Variants in OR3A2 observed in about 807,000 individuals in gnomAD.
The protein encoded by OR3A2 is olfactory receptor family 3 subfamily A member 2.
For synonymous variants in OR3A2, 126 were observed against 159.3 expected (o/e 0.79, Z 1.57); for missense variants, 318 against 392.8 (o/e 0.81, Z 1.61).
chr17:3,323,268 G>A (rs985590801), intron 3 of OR3A2, among the ~76,000 whole-genome samples: 9 of 152,076 alleles, frequency 5.9e-5, no homozygotes, highest in South Asian at 2.1e-4. Context: ...GTCTCTGCAC[G>A]TGAGATGGGT....
chr17:3,280,352 A>AG, intron 1 of OR3A2, among the ~76,000 whole-genome samples: 1 of 151,586 alleles, frequency 6.6e-6, no homozygotes, highest in African/African-American at 2.4e-5. Context: ...GCTCACTGCA[A>AG]GCTCCGCCTC....
At chr17:3,315,800 T>G (rs1211222367) in intron 3 of OR3A2, among the ~76,000 whole-genome samples, 1 of 147,372 alleles carries the variant, frequency 6.8e-6, no homozygotes, top group Non-Finnish European at 1.5e-5. Context: ...TCTACTATAG[T>G]GTTTTCTCTC....
intron 2 of OR3A2, among the ~76,000 whole-genome samples, chr17:3,375,244 TTCC>T (rs1299115825): frequency 5.3e-5 from 4 of 76,188 alleles, no homozygotes; most frequent in East Asian, 3.2e-4. Flanking sequence ...TTTTTTTTTT[TTCC>T]CCCCCTTTTT....
At chr17:3,332,591 C>A (rs1652736424) in intron 3 of OR3A2, among the ~76,000 whole-genome samples, 2 of 152,200 alleles carry the variant, frequency 1.3e-5, no homozygotes, top group South Asian at 4.1e-4. Context: ...CTGACCTGCG[C>A]CCACTGTCTG....
rs575005899 is a variant in OR3A2 at position 3,349,309 on chromosome 17, T to C, written c.-178-13183A>G. 1.3e-5 allele frequency among the ~76,000 whole-genome samples: 2 copies of C among 151,928 alleles called. 1 individual carries two copies. Among genetic ancestry groups the C allele is most frequent in the South Asian group, 4.2e-4 (2 of 4,808 alleles). ...CCCATCTCACGGGCAGAGACACACATAGACTCAAAATAAAAGGATGGAGGA... is the reference window on the plus strand; with the variant it reads ...CCCATCTCACGGGCAGAGACACACACAGACTCAAAATAAAAGGATGGAGGA... On this transcript the variant is annotated intron_variant, in intron 2 of 4. Coordinates refer to the OR3A2 transcript ENST00000573491.
chr17:3,325,599 T>C (rs950929291), intron 3 of OR3A2, among the ~76,000 whole-genome samples: 1 of 152,056 alleles, frequency 6.6e-6, no homozygotes, highest in African/African-American at 2.4e-5. Context: ...CTGAACTTTA[T>C]ATTCTGTTAC....
At chr17:3,328,966 A>G (rs1669825503) in intron 3 of OR3A2, among the ~76,000 whole-genome samples, 1 of 151,458 alleles carries the variant, frequency 6.6e-6, no homozygotes, top group Admixed American at 6.6e-5. Context: ...CTATTGAGAT[A>G]ATCATGTGGT....
At chr17:3,326,611 G>A (rs991164753) in intron 3 of OR3A2, among the ~76,000 whole-genome samples, 1 of 148,468 alleles carries the variant, frequency 6.7e-6, no homozygotes, top group Non-Finnish European at 1.5e-5. Flanking sequence ...GTGCAGGTCA[G>A]TTACATATGT....
chr17:3,354,696 C>A (rs1023268981), intron 2 of OR3A2, among the ~76,000 whole-genome samples: 1 of 151,092 alleles, frequency 6.6e-6, no homozygotes, highest in Admixed American at 6.6e-5. Flanking sequence ...TTTATCTTTT[C>A]ACAAAACCAA....
chr17:3,355,212 C>A lies in OR3A2; in HGVS notation c.-178-19086G>T, dbSNP rs1467803260. 4.0e-5 allele frequency among the ~76,000 whole-genome samples: 6 copies of A among 151,238 alleles called. 1 individual carries two copies. Among genetic ancestry groups the A allele is most frequent in the Admixed American group, 4.0e-4 (6 of 15,170 alleles). On this transcript the variant is annotated intron_variant, in intron 2 of 4. Coordinates refer to the OR3A2 transcript ENST00000573491. ...AATGTTTTATCATTTGTTTTGTGAC[C>A]TAATATATGGACTATCATTGAGAAT...
intron 3 of OR3A2, among the ~76,000 whole-genome samples, chr17:3,334,910 G>T (rs1460539548): frequency 6.6e-6 from 1 of 152,092 alleles, no homozygotes. Flanking sequence ...ATATTTTAGG[G>T]TTCTTATACA....
At chr17:3,304,964 T>C (rs2150628045) in intron 3 of OR3A2, among the ~76,000 whole-genome samples, 1 of 152,348 alleles carries the variant, frequency 6.6e-6, no homozygotes, top group South Asian at 2.1e-4. Flanking sequence ...TTAATCTATG[T>C]TGAAAAAATC....
chr17:3,357,632 G>A (rs1001597131), intron 2 of OR3A2, among the ~76,000 whole-genome samples: 4 of 151,634 alleles, frequency 2.6e-5, no homozygotes, highest in African/African-American at 9.8e-5. Flanking sequence ...TCCAGAGATA[G>A]ATGCTGGTGA....
chr17:3,349,067 C>CAG (rs1350697133), intron 2 of OR3A2, among the ~76,000 whole-genome samples: 2,358 of 152,178 alleles, frequency 0.015, 60 homozygotes, highest in African/African-American at 0.054. Context: ...GTACCAGCTG[C>CAG]TGCAAAATCA....
chr17:3,343,070 G>A (rs141338210), intron 2 of OR3A2, among the ~76,000 whole-genome samples: 22 of 152,322 alleles, frequency 1.4e-4, no homozygotes, highest in African/African-American at 5.1e-4. Context: ...AGCCAGGCAC[G>A]GGATATAATC....
At chr17:3,313,803 C>A (rs1020737269) in intron 3 of OR3A2, among the ~76,000 whole-genome samples, 4 of 152,170 alleles carry the variant, frequency 2.6e-5, no homozygotes, top group Non-Finnish European at 5.9e-5. Flanking sequence ...GGACGGGATC[C>A]ATGTCTTATA....
chr17:3,310,400 CTT>C (rs749746919), intron 3 of OR3A2: 1 of 535,198 alleles, frequency 1.9e-6, no homozygotes, highest in Non-Finnish European at 3.8e-6. Flanking sequence ...AGCCCATCCT[CTT>C]TGTCATCTTC....
intron 2 of OR3A2, among the ~76,000 whole-genome samples, chr17:3,362,265 C>T (rs2049524738): frequency 6.6e-6 from 1 of 151,398 alleles, no homozygotes. Flanking sequence ...TGGTGATATC[C>T]CCTTTAGCAT....
Position 3,366,266 on chromosome 17 carries a change from C to T in OR3A2, c.-179+17538G>A, listed in dbSNP as rs141614783. On this transcript the variant is annotated intron_variant, in intron 2 of 4. Transcript: ENST00000573491. Reference sequence around the variant, plus strand: ...GCCACTATACTGATATTCTCATTTTCATATTAATCTGTGTTGTTCCAGCTA... The same window carrying T: ...GCCACTATACTGATATTCTCATTTTTATATTAATCTGTGTTGTTCCAGCTA... Among the ~76,000 whole-genome samples, 274 of 152,276 alleles carry T rather than the reference C, an allele frequency of 1.8e-3. 1 individual carries two copies. The highest frequency in any genetic ancestry group is 0.017 in the Middle Eastern group (5 of 294).
Sources: allele counts gnomAD v4.1 joint callset (sites outside exome capture counted in the v4.1 genomes callset), GRCh38; gene constraint gnomAD v4.1.1; transcripts MANE v1.5; gene names NCBI Gene and HGNC (gene_info 2026-07-23, HGNC 2026-07-21).